Variants in DMD observed in about 807,000 individuals in gnomAD.
DMD encodes the protein mutant dystrophin.
In DMD, 63 loss-of-function variants were observed where a neutral mutation model predicts 330.1. The observed-to-expected ratio is 0.19, with a 90% confidence interval of 0.16 to 0.24. The LOEUF is 0.24. DMD is among the 10% of genes least tolerant of loss of function. The probability of loss-of-function intolerance (pLI) is 1.00; values close to 1 mark genes in which losing one functional copy is unlikely to be tolerated. For synonymous variants in DMD, 1,223 were observed against 959.8 expected (o/e 1.27, Z -5.07); for missense variants, 3,344 against 2,684.1 (o/e 1.25, Z -5.43).
intron 50 of DMD, among the ~76,000 whole-genome samples, chrX:31,808,546 C>T (rs2092360754): frequency 9.0e-6 from 1 of 111,689 alleles, no homozygotes; most frequent in African/African-American, 3.3e-5. Context: ...TGTGAGTGAC[C>T]TCCAGAGATT....
chrX:32,502,418 A>C (rs1285796447), intron 18 of DMD, among the ~76,000 whole-genome samples: 2 of 111,799 alleles, frequency 1.8e-5, no homozygotes, highest in Non-Finnish European at 3.8e-5. Context: ...AGTTTCAAAA[A>C]ACTTTCTGAA....
chrX:31,999,229 T>C (rs184729597), intron 44 of DMD, among the ~76,000 whole-genome samples: 1 of 111,942 alleles, frequency 8.9e-6, no homozygotes, highest in African/African-American at 3.2e-5. Flanking sequence ...ACTTGAAATT[T>C]ATAATACCAG....
At chrX:31,194,001 T>G (rs1569447862) in intron 67 of DMD, among the ~76,000 whole-genome samples, 1 of 110,724 alleles carries the variant, frequency 9.0e-6, no homozygotes, top group Admixed American at 9.6e-5. Context: ...GCCAACGTGG[T>G]GAAACCCTGT....
chrX:31,512,616 C>G (rs1274110307), intron 55 of DMD, among the ~76,000 whole-genome samples: 2 of 109,130 alleles, frequency 1.8e-5, no homozygotes, highest in African/African-American at 3.4e-5. Flanking sequence ...GCTTGTTTTT[C>G]TCAGGTTTGT....
At chrX:31,334,800 GTCAC>G (rs1444866180) in intron 61 of DMD, among the ~76,000 whole-genome samples, 2 of 111,809 alleles carry the variant, frequency 1.8e-5, no homozygotes, top group Non-Finnish European at 3.8e-5. Flanking sequence ...CTGGCCCTTG[GTCAC>G]TCACTGACCT....
At chrX:32,427,227 A>G (rs146978655) in intron 29 of DMD, among the ~76,000 whole-genome samples, 1,349 of 111,628 alleles carry the variant, frequency 0.012, 23 homozygotes, top group African/African-American at 0.041. Flanking sequence ...CAGGAATGAG[A>G]TGGCATTAAC....
At chrX:31,529,408 AT>A (rs2147460197) in intron 55 of DMD, among the ~76,000 whole-genome samples, 1 of 110,938 alleles carries the variant, frequency 9.0e-6, no homozygotes, top group South Asian at 3.8e-4. Context: ...ATAAAATAAA[AT>A]AAAATATAGT....
chrX:31,272,688 C>G (rs1396695068), intron 62 of DMD, among the ~76,000 whole-genome samples: 1 of 112,371 alleles, frequency 8.9e-6, no homozygotes, highest in African/African-American at 3.2e-5. Flanking sequence ...CGTCTCTTCT[C>G]AAATCAGAAG....
At chrX:33,013,960 C>A (rs747621056) in intron 2 of DMD, among the ~76,000 whole-genome samples, 37 of 112,083 alleles carry the variant, frequency 3.3e-4, no homozygotes, top group Non-Finnish European at 3.8e-5. Context: ...AGAAGGTAGC[C>A]AAAACCATAA....
intron 60 of DMD, among the ~76,000 whole-genome samples, chrX:31,400,410 C>A (rs1413991254): frequency 9.0e-6 from 1 of 111,597 alleles, no homozygotes; most frequent in Non-Finnish European, 1.9e-5. Flanking sequence ...TCTCATGTCT[C>A]CCTAAATATA....
intron 44 of DMD, among the ~76,000 whole-genome samples, chrX:31,992,217 G>A (rs2095555891): frequency 9.0e-6 from 1 of 111,357 alleles, no homozygotes; most frequent in Non-Finnish European, 1.9e-5. Context: ...GGATAGTGAA[G>A]GATTTATGTT....
chrX:32,897,120 A>G (rs1021058664), intron 2 of DMD, among the ~76,000 whole-genome samples: 2 of 111,524 alleles, frequency 1.8e-5, no homozygotes, highest in African/African-American at 6.5e-5. Context: ...CCTATTAAAT[A>G]TGCCCTTAAA....
At chrX:31,823,919 A>C (rs1221942851) in intron 49 of DMD, among the ~76,000 whole-genome samples, 3 of 111,683 alleles carry the variant, frequency 2.7e-5, no homozygotes, top group African/African-American at 9.8e-5. Flanking sequence ...TTTAAAAAGT[A>C]ATCTCATAGA....
Position 32,484,997 on chromosome X carries a change from C to T in DMD, c.2725G>A (p.Ala909Thr), listed in dbSNP as rs1060502616. 4.1e-6 allele frequency: 5 copies of T among 1,211,091 alleles called. No individual in the cohort carries two copies. Among genetic ancestry groups the T allele is most frequent in the Non-Finnish European group, 4.5e-6 (4 of 894,996 alleles). The change falls in exon 21 of 79, where the codon GCA (alanine) becomes ACA (threonine). Residue 909 changes from alanine to threonine, a missense_variant. Transcript: ENST00000357033. ...EKGQGPMFLD[A>T]DFVAFTNHFK... Reference sequence around the variant, plus strand: ...TGATTTGTAAAGGCCACAAAGTCTGCATCCAGGAACATGGGTCCTTGTCCT... The same window carrying T: ...TGATTTGTAAAGGCCACAAAGTCTGTATCCAGGAACATGGGTCCTTGTCCT...
chrX:32,706,833 G>A (rs1035181573), intron 7 of DMD, among the ~76,000 whole-genome samples: 1 of 111,794 alleles, frequency 8.9e-6, no homozygotes, highest in Non-Finnish European at 1.9e-5. Flanking sequence ...GCTCATGCCT[G>A]TAATCCGAGC....
intron 61 of DMD, chrX:31,348,050 G>A (rs535864368): frequency 3.3e-5 from 4 of 120,622 alleles, no homozygotes; most frequent in East Asian, 2.5e-4. Flanking sequence ...CATAAGGCAG[G>A]GATCATTTAA....
In DMD at chrX:32,380,521, C is replaced by T; in HGVS notation, c.4834G>A (p.Ala1612Thr). 2.5e-6 allele frequency: 3 copies of T among 1,210,476 alleles called. No homozygotes were observed. The highest frequency in any genetic ancestry group is 3.4e-6 in the Non-Finnish European group (3 of 894,757). Residue 1612 changes from alanine to threonine, a missense_variant, in exon 34 of 79, where the codon GCC (alanine) becomes ACC (threonine). Physicochemically the swap from Ala to Thr is moderately conservative, Grantham distance 58. Coordinates refer to ENST00000357033, the MANE Select transcript of DMD (RefSeq NM_004006.3). ...GATATAGGTTTTACCTTTCCCCAGG[C>T]AACTTCAGAATCCAAATTACTAGGC... ...GMPSNLDSEV[A>T]WGKATQKEIE...
chrX:32,117,694 T>C (rs1290900210), intron 44 of DMD, among the ~76,000 whole-genome samples: 1 of 112,305 alleles, frequency 8.9e-6, no homozygotes, highest in Non-Finnish European at 1.9e-5. Context: ...TTTAACCTTG[T>C]CGCAATTTGT....
chrX:32,680,121 T>A (rs2062292830), intron 9 of DMD, among the ~76,000 whole-genome samples: 1 of 106,899 alleles, frequency 9.4e-6, no homozygotes, highest in African/African-American at 3.4e-5. Context: ...ACCATGTTGG[T>A]CAGGCTGGTC....
Sources: allele counts gnomAD v4.1 joint callset (sites outside exome capture counted in the v4.1 genomes callset), GRCh38; gene constraint gnomAD v4.1.1; transcripts MANE v1.5; gene names NCBI Gene and HGNC (gene_info 2026-07-23, HGNC 2026-07-21).